SEL1L2: variants seen among roughly 807,000 people sequenced by gnomAD.
SEL1L2 encodes the protein SEL1L2 adaptor subunit of SYVN1 ubiquitin ligase, also known as protein sel-1 homolog 2.
A neutral mutation model predicts 98.8 loss-of-function variants in SEL1L2; 89 were observed. The observed-to-expected ratio is 0.90, with a 90% CI of 0.76 to 1.07. SEL1L2 has a LOEUF of 1.07. Ranked by LOEUF, SEL1L2 falls within the 50% of genes least tolerant of loss-of-function variation. The pLI, the probability that SEL1L2 is intolerant of heterozygous loss-of-function variation, is 0.00. For missense variants in SEL1L2, 788 were observed against 812.0 expected (o/e 0.97, Z 0.36); for synonymous variants, 262 against 278.5 (o/e 0.94, Z 0.59).
At chr20:13,939,831 T>G (rs2049668268) in intron 2 of SEL1L2, among the ~76,000 whole-genome samples, 1 of 152,132 alleles carries the variant, frequency 6.6e-6, no homozygotes, top group Admixed American at 6.6e-5. Flanking sequence ...CATGCCCAGC[T>G]AATTTTTGTG....
At chr20:13,930,170 T>C (rs2049080872) in intron 3 of SEL1L2, among the ~76,000 whole-genome samples, 1 of 152,198 alleles carries the variant, frequency 6.6e-6, no homozygotes, top group African/African-American at 2.4e-5. Context: ...ACCACATCAA[T>C]GGACTCCCTT....
chr20:13,912,929 A>G (rs2048264230), intron 5 of SEL1L2, among the ~76,000 whole-genome samples: 1 of 152,210 alleles, frequency 6.6e-6, no homozygotes, highest in African/African-American at 2.4e-5. Context: ...TCAGATCACC[A>G]GGGAAACAGA....
chr20:13,904,425 G>A (rs1344927499), intron 5 of SEL1L2, among the ~76,000 whole-genome samples: 10 of 152,142 alleles, frequency 6.6e-5, no homozygotes, highest in African/African-American at 2.4e-4. Context: ...TTACTTGGGA[G>A]GCTGAGGCAG....
At chr20:13,924,430 C>CTT (rs1244556435) in intron 3 of SEL1L2, among the ~76,000 whole-genome samples, 1 of 144,440 alleles carries the variant, frequency 6.9e-6, no homozygotes, top group African/African-American at 2.5e-5. Flanking sequence ...TTTTCTTTTT[C>CTT]TTTTTTTTTT....
chr20:13,888,010 AAAAC>A lies in SEL1L2; in HGVS notation c.604-13_604-10del, dbSNP rs1168729684. On this transcript the variant is annotated splice_polypyrimidine_tract_variant and intron_variant, in intron 6 of 19. Transcript: ENST00000284951. ...GTGTAATATATCAGTGCCTAAAGTA[AAAAC>A]AAACAAACAAAAAACCCCCCAAACC... is the stretch of plus-strand genomic sequence containing the variant. The A allele has an allele frequency of 3.7e-6, 6 of 1,610,884 alleles. No individual in the cohort carries two copies. The highest frequency in any genetic ancestry group is 2.7e-5 in the African/African-American group (2 of 74,868).
At chr20:13,900,748 CT>C (rs950682893) in intron 5 of SEL1L2, among the ~76,000 whole-genome samples, 2 of 152,162 alleles carry the variant, frequency 1.3e-5, no homozygotes, top group Non-Finnish European at 2.9e-5. Context: ...AGGGGCACTG[CT>C]TTGGGGCACT....
intron 2 of SEL1L2, among the ~76,000 whole-genome samples, chr20:13,936,923 C>T (rs894497364): frequency 5.9e-5 from 9 of 152,148 alleles, no homozygotes; most frequent in Admixed American, 5.2e-4. Flanking sequence ...TAAAATCAAA[C>T]CACTTTGTAC....
chr20:13,986,669 G>T (rs2052200316), intron 1 of SEL1L2, among the ~76,000 whole-genome samples: 1 of 151,950 alleles, frequency 6.6e-6, no homozygotes, highest in African/African-American at 2.4e-5. Flanking sequence ...TCAATATTTG[G>T]GTTGTTTCCA....
chr20:13,908,229 T>G (rs892918737), intron 5 of SEL1L2, among the ~76,000 whole-genome samples: 2 of 146,258 alleles, frequency 1.4e-5, no homozygotes, highest in African/African-American at 2.5e-5. Context: ...GTGATCCTTC[T>G]GCCTTAGCCT....
At position 13,887,870 on chromosome 20, in the gene SEL1L2, A is replaced by T. The variant is rs759659379; in HGVS notation, c.664-20T>A. On this transcript the variant is annotated intron_variant, in intron 7 of 19. Transcript: ENST00000284951. ...GTACCCCTAAAACACAGACAGATGC[A>T]TTCTTAATATTCAAGACAATGCTGT... 3 of 1,605,690 alleles carry T rather than the reference A, an allele frequency of 1.9e-6. No homozygotes were observed. The highest frequency in any genetic ancestry group is 2.6e-6 in the Non-Finnish European group (3 of 1,172,648).
intron 18 of SEL1L2, among the ~76,000 whole-genome samples, chr20:13,857,191 A>C (rs908051394): frequency 1.3e-5 from 2 of 151,616 alleles, no homozygotes; most frequent in African/African-American, 4.8e-5. Context: ...GGAGGTTAAG[A>C]GTAGTCCCTG....
rs5840588 is a variant in SEL1L2 at position 13,917,786 on chromosome 20, C to CTTTTTTTTTTTTTTTTTTTTTTTTTT, written c.386+1209_386+1234dup. Among the ~76,000 whole-genome samples the CTTTTTTTTTTTTTTTTTTTTTTTTTT allele has an allele frequency of 5.4e-4, 27 of 50,104 alleles. 2 individuals are homozygous for CTTTTTTTTTTTTTTTTTTTTTTTTTT. The highest frequency in any genetic ancestry group is 1.0e-3 in the African/African-American group (11 of 11,022). The allele number at this position is 50,104 out of a possible 152,430, so 32.9% of individuals were successfully genotyped here. The stretch of plus-strand genomic sequence containing the variant: ...CCATACTTTCTTTATTTCTTTCTTT[C>CTTTTTTTTTTTTTTTTTTTTTTTTTT]TTTTTTTTTTTTTTTTTTTTTTTTT... On this transcript the variant is annotated intron_variant, in intron 4 of 19. Transcript: ENST00000284951.
rs779584914 is a variant in SEL1L2, at chr20:13,939,035, G to GTTTTTTTTTTTTTT, written c.115-7265_115-7264insAAAAAAAAAAAAAA. On this transcript the variant is annotated intron_variant, in intron 2 of 19. Transcript: ENST00000284951. ...TTTTTTCTTTTTGGTTTGTTTGCTT[G>GTTTTTTTTTTTTTT]TTTTGTTTTTTTTTTTTTTTTTTTC... 5.8e-3 allele frequency among the ~76,000 whole-genome samples: 181 copies of GTTTTTTTTTTTTTT among 31,334 alleles called. 14 individuals are homozygous for GTTTTTTTTTTTTTT. Among genetic ancestry groups the GTTTTTTTTTTTTTT allele is most frequent in the Middle Eastern group, 0.019 (1 of 54 alleles). The allele number at this position is 31,334 out of a possible 152,430, so 20.6% of individuals were successfully genotyped here.
chr20:13,919,657 G>T (rs143685062), intron 3 of SEL1L2, among the ~76,000 whole-genome samples: 3 of 152,102 alleles, frequency 2.0e-5, no homozygotes, highest in Admixed American at 2.0e-4. Flanking sequence ...GGTGACTCAC[G>T]CCTGTAATCC....
At chr20:13,963,972 A>G (rs2050905468) in intron 1 of SEL1L2, among the ~76,000 whole-genome samples, 1 of 151,948 alleles carries the variant, frequency 6.6e-6, no homozygotes, top group Admixed American at 6.5e-5. Flanking sequence ...CCTGGGTCCA[A>G]GCGATTCTCC....
chr20:13,891,206 C>T (rs1249263980), intron 5 of SEL1L2, among the ~76,000 whole-genome samples: 5 of 152,146 alleles, frequency 3.3e-5, no homozygotes, highest in Non-Finnish European at 7.4e-5. Flanking sequence ...CAAACCAAGA[C>T]ACATTACAAT....
intron 3 of SEL1L2, among the ~76,000 whole-genome samples, chr20:13,931,093 G>T (rs1030290174): frequency 6.6e-6 from 1 of 151,234 alleles, no homozygotes; most frequent in Admixed American, 6.6e-5. Flanking sequence ...ACCCAGGCTG[G>T]AGTACAGTGG....
chr20:13,916,992 C>T (rs1464907897), intron 4 of SEL1L2, among the ~76,000 whole-genome samples: 1 of 152,112 alleles, frequency 6.6e-6, no homozygotes, highest in Admixed American at 6.6e-5. Context: ...GGAAGGTCCC[C>T]TTCAAGGTTG....
intron 1 of SEL1L2, among the ~76,000 whole-genome samples, chr20:13,981,106 G>T (rs2051805514): frequency 6.6e-6 from 1 of 152,184 alleles, no homozygotes; most frequent in African/African-American, 2.4e-5. Context: ...GCGGGGCATG[G>T]TGGTGTGCAC....
Sources: gnomAD v4.1 joint callset for allele counts (sites outside exome capture counted in the v4.1 genomes callset) on GRCh38, gnomAD v4.1.1 for gene constraint, MANE v1.5 for transcripts, NCBI Gene and HGNC (gene_info 2026-07-23, HGNC 2026-07-21) for gene names.